PDE8B: variants seen among roughly 807,000 people sequenced by gnomAD.
PDE8B encodes phosphodiesterase 8B.
PDE8B carries 26 observed loss-of-function variants against 101.3 expected under a neutral mutation model. The observed-to-expected ratio is 0.26, with a 90% CI of 0.19 to 0.36. The LOEUF (loss-of-function observed/expected upper bound fraction) is 0.36. Ranked by LOEUF, PDE8B falls within the 10% of genes least tolerant of loss-of-function variation. PDE8B has a pLI of 1.00. For missense variants in PDE8B, 810 were observed against 1,163.1 expected, an observed-to-expected ratio of 0.70 and a Z score of 4.42; for synonymous variants, 424 against 429.3, an observed-to-expected ratio of 0.99 and a Z score of 0.15.
At chr5:77,419,928 A>AT in intron 19 of PDE8B, 41 bp downstream of exon 19, 1 of 1,611,300 alleles carries the variant, frequency 6.2e-7, no homozygotes, top group Non-Finnish European at 8.5e-7. Flanking sequence ...ATCCAAGTAC[A>AT]TTTCCATAAG....
At position 77,211,181 on chromosome 5, in the gene PDE8B, G is replaced by A. The variant is rs758415005; in HGVS notation, c.256G>A (p.Ala86Thr). 31 of 1,543,278 alleles carry A rather than the reference G, an allele frequency of 2.0e-5. No individual in the cohort carries two copies. The African/African-American group carries it at 3.8e-4, about 19-fold the overall frequency. ...TAGCAGCGCGGGTTCCGCAGCCCCC[G>A]CCGCGACCACCAGCAGGGGCCGGAG... ...SGSSAGSAAP[A>T]ATTSRGRRRH... Residue 86 changes from alanine (A) to threonine (T), a missense_variant, in exon 1 of 22, where the codon GCC becomes ACC. Physicochemically the swap from Ala to Thr is moderately conservative, Grantham distance 58. Coordinates refer to ENST00000264917, the MANE Select transcript of PDE8B (RefSeq NM_003719.5). This position sits in a 1 kb window ranked among gnomAD's most constrained non-coding sequence, Gnocchi z 4.1.
chr5:77,397,184 C>G (rs1230117920), intron 10 of PDE8B, among the ~76,000 whole-genome samples: 3 of 151,508 alleles, frequency 2.0e-5, no homozygotes, highest in Non-Finnish European at 2.9e-5. Context: ...TGCACACCAC[C>G]CTGCCTGGCT....
At chr5:77,250,489 C>A (rs1757861068) in intron 1 of PDE8B, among the ~76,000 whole-genome samples, 1 of 152,148 alleles carries the variant, frequency 6.6e-6, no homozygotes, top group African/African-American at 2.4e-5. Flanking sequence ...GTAAAAATGC[C>A]CATCTTTGCT....
upstream of PDE8B, among the ~76,000 whole-genome samples, chr5:77,209,057 C>G (rs1485940682): frequency 6.6e-6 from 1 of 152,172 alleles, no homozygotes; most frequent in Non-Finnish European, 1.5e-5. Flanking sequence ...CTGCTAAACA[C>G]CATCTCAGAA....
chr5:77,399,522 A>G (rs1791799276), intron 10 of PDE8B, among the ~76,000 whole-genome samples: 1 of 152,248 alleles, frequency 6.6e-6, no homozygotes, highest in African/African-American at 2.4e-5. Context: ...GTGAAGCCGC[A>G]TGATTATAAG....
chr5:77,150,021 G>C, the PDE8B span, among the ~76,000 whole-genome samples: 1 of 152,304 alleles, frequency 6.6e-6, no homozygotes, highest in East Asian at 1.9e-4. Flanking sequence ...AATTCTTCCA[G>C]ACACTCTTGC....
At chr5:77,300,861 G>T (rs1769765214) in intron 1 of PDE8B, among the ~76,000 whole-genome samples, 1 of 152,214 alleles carries the variant, frequency 6.6e-6, no homozygotes, top group African/African-American at 2.4e-5. Flanking sequence ...ATAACTGCTT[G>T]GAAATCATGA....
chr5:77,326,521 T>C (rs1012096160), intron 3 of PDE8B, among the ~76,000 whole-genome samples: 2 of 152,208 alleles, frequency 1.3e-5, no homozygotes, highest in Non-Finnish European at 2.9e-5. Context: ...TAAGAGAAGT[T>C]TCTTATCGCA....
rs150526813 is a variant in PDE8B, at chr5:77,252,047, A to G, written c.339+40783A>G. On this transcript the variant is annotated intron_variant, in intron 1 of 21. Coordinates refer to ENST00000264917, the MANE Select transcript of PDE8B (RefSeq NM_003719.5). ...CTCGCCTGTGTGGTTACATGTGCTC[A>G]TGAATCTGGTTATCCTTCACAGCTT... Among the ~76,000 whole-genome samples, 1,094 of 152,252 alleles carry G rather than the reference A, an allele frequency of 7.2e-3. 9 individuals are homozygous for G. The highest frequency in any genetic ancestry group is 0.024 in the Middle Eastern group (7 of 294).
intron 1 of PDE8B, among the ~76,000 whole-genome samples, chr5:77,262,251 A>G (rs1760765734): frequency 6.6e-6 from 1 of 152,046 alleles, no homozygotes; most frequent in South Asian, 2.1e-4. Flanking sequence ...AGACTGAATG[A>G]TTAGCTCACA....
chr5:77,360,262 G>T (rs554024832), intron 10 of PDE8B, among the ~76,000 whole-genome samples: 1 of 42,194 alleles, frequency 2.4e-5, no homozygotes, highest in African/African-American at 2.5e-4. Context: ...GTTTTTTCCC[G>T]ATAAGTTTAA....
Position 77,427,838 on chromosome 5 carries a change from C to T in PDE8B, c.*1284C>T, listed in dbSNP as rs1016888042. Reference sequence around the variant, plus strand: ...GACTCCGTAAACAAACTTCATTTTTCTTTCTCTGTACTTCATGCTGCATTT... The same window carrying T: ...GACTCCGTAAACAAACTTCATTTTTTTTTCTCTGTACTTCATGCTGCATTT... On this transcript the variant is annotated 3_prime_UTR_variant, in exon 22 of 22. Transcript: ENST00000264917. The T allele has an allele frequency of 6.6e-6, 1 of 152,136 alleles. No individual in the cohort carries two copies. Among genetic ancestry groups the T allele is most frequent in the African/African-American group, 2.4e-5 (1 of 41,454 alleles). 9.4% of individuals were successfully genotyped at this position (152,136 alleles called of 1,614,324 possible). A position where few individuals can be genotyped will look rare whatever the true frequency, so the allele number is the denominator to read the frequency against.
the PDE8B span, chr5:77,115,199 CTG>C: frequency 6.6e-6 from 1 of 152,178 alleles, no homozygotes; most frequent in Non-Finnish European, 1.5e-5. Flanking sequence ...GATTATCATT[CTG>C]TGTCTATTAT....
the PDE8B span, among the ~76,000 whole-genome samples, chr5:77,148,845 T>G: frequency 6.6e-6 from 1 of 152,206 alleles, no homozygotes; most frequent in South Asian, 2.1e-4. Flanking sequence ...ATTTTTTTCT[T>G]AATGATCTTT....
chr5:77,283,441 G>A (rs1765405600), intron 1 of PDE8B, among the ~76,000 whole-genome samples: 1 of 152,140 alleles, frequency 6.6e-6, no homozygotes, highest in Admixed American at 6.5e-5. Flanking sequence ...GTATCATCCA[G>A]AAAAGTTTCA....
the PDE8B span, among the ~76,000 whole-genome samples, chr5:77,194,629 G>A: frequency 6.6e-6 from 1 of 151,986 alleles, no homozygotes; most frequent in Non-Finnish European, 1.5e-5. Flanking sequence ...CCAGCCCCTG[G>A]CAAGCACCTG....
At chr5:77,353,881 CTTTA>C (rs1190126346) in intron 10 of PDE8B, among the ~76,000 whole-genome samples, 1 of 152,136 alleles carries the variant, frequency 6.6e-6, no homozygotes, top group Non-Finnish European at 1.5e-5. Flanking sequence ...TAAGAAGCCA[CTTTA>C]TTTAAGAACT....
chr5:77,169,448 T>G, the PDE8B span, among the ~76,000 whole-genome samples: 1 of 152,114 alleles, frequency 6.6e-6, no homozygotes, highest in Non-Finnish European at 1.5e-5. Context: ...AGAATTTGTG[T>G]CTCCAAGTTC....
At chr5:77,410,812 A>C (rs1170329074) in intron 14 of PDE8B, 1 of 150,976 alleles carries the variant, frequency 6.6e-6, no homozygotes, top group Non-Finnish European at 1.5e-5. Context: ...TCTGGGAATG[A>C]CAAATAAGCA....
Sources: gnomAD v4.1 joint callset for allele counts (sites outside exome capture counted in the v4.1 genomes callset) on GRCh38, gnomAD v4.1.1 for gene constraint, Gnocchi (gnomAD v3.1) non-coding constraint, MANE v1.5 for transcripts, NCBI Gene and HGNC (gene_info 2026-07-23, HGNC 2026-07-21) for gene names.